LCORL: variants seen among roughly 807,000 people sequenced by gnomAD.
LCORL encodes the protein ligand-dependent nuclear receptor corepressor-like protein.
In LCORL, 41 loss-of-function variants were observed where a neutral mutation model predicts 141.8. The observed-to-expected ratio is 0.29, with a 90% CI of 0.23 to 0.38. The LOEUF is 0.38. Ranked by LOEUF, LCORL falls within the 10% of genes least tolerant of loss-of-function variation. LCORL has a pLI of 1.00. For synonymous variants in LCORL, 618 were observed against 694.1 expected, an observed-to-expected ratio of 0.89 and a Z score of 1.72; for missense variants, 1,759 against 2,035.0, an observed-to-expected ratio of 0.86 and a Z score of 2.61.
At chr4:18,012,679 G>GA (rs147233383) in intron 1 of LCORL, among the ~76,000 whole-genome samples, 6,023 of 149,756 alleles carry the variant, frequency 0.04, 193 homozygotes, top group African/African-American at 0.088. Flanking sequence ...TTTTGAAGGG[G>GA]AAAAAAAAAT....
intron 1 of LCORL, among the ~76,000 whole-genome samples, chr4:17,998,985 A>AAAAAATATATAT (rs1374815646): frequency 8.6e-5 from 5 of 57,892 alleles, no homozygotes; most frequent in South Asian, 7.5e-4. Context: ...AAAAAAAAAA[A>AAAAAATATATAT]ATATATATAT....
At chr4:17,882,552 T>C (rs1307031593) in intron 6 of LCORL, 5 of 984,606 alleles carry the variant, frequency 5.1e-6, no homozygotes, top group African/African-American at 1.7e-5. Context: ...TTTACATTAC[T>C]GAAAGTTCAA....
intron 4 of LCORL, among the ~76,000 whole-genome samples, chr4:17,919,356 T>C (rs1733946489): frequency 6.6e-6 from 1 of 152,154 alleles, no homozygotes; most frequent in Admixed American, 6.5e-5. Flanking sequence ...AAAAGCTCTT[T>C]AATAAAATGG....
intron 4 of LCORL, among the ~76,000 whole-genome samples, chr4:17,930,805 T>A (rs1462183711): frequency 6.6e-6 from 1 of 152,194 alleles, no homozygotes; most frequent in African/African-American, 2.4e-5. Context: ...ACACACACAG[T>A]GTGTGACTGT....
intron 5 of LCORL, among the ~76,000 whole-genome samples, chr4:17,898,632 A>C (rs1262307759): frequency 6.9e-6 from 1 of 145,722 alleles, no homozygotes. Context: ...GAAATTCACT[A>C]TCAAGAGATC....
chr4:17,936,614 CTGTT>C (rs1467784352), intron 4 of LCORL, among the ~76,000 whole-genome samples: 4 of 152,128 alleles, frequency 2.6e-5, no homozygotes, highest in African/African-American at 9.7e-5. Context: ...GAATCTGAAT[CTGTT>C]TGGTTCTTGA....
At chr4:17,965,263 C>T (rs1455081910) in intron 2 of LCORL, among the ~76,000 whole-genome samples, 1 of 151,950 alleles carries the variant, frequency 6.6e-6, no homozygotes, top group Non-Finnish European at 1.5e-5. Flanking sequence ...TTATTTTAAA[C>T]CAAACAAATG....
At chr4:17,936,229 CAGATA>C (rs1406183442) in intron 4 of LCORL, among the ~76,000 whole-genome samples, 1 of 151,842 alleles carries the variant, frequency 6.6e-6, no homozygotes, top group East Asian at 1.9e-4. Context: ...AGTCTTAGTG[CAGATA>C]ATTATATGAC....
intron 4 of LCORL, among the ~76,000 whole-genome samples, chr4:17,928,691 A>G (rs986084183): frequency 6.6e-6 from 1 of 152,220 alleles, no homozygotes; most frequent in Non-Finnish European, 1.5e-5. Context: ...CAAAACAAGG[A>G]TATATGCTCT....
chr4:17,975,928 T>C (rs1304094057), intron 1 of LCORL, among the ~76,000 whole-genome samples: 1 of 152,168 alleles, frequency 6.6e-6, no homozygotes, highest in African/African-American at 2.4e-5. Flanking sequence ...CATGATTTTC[T>C]GTCTTTTCTC....
intron 4 of LCORL, chr4:17,912,069 A>T: frequency 1.4e-6 from 1 of 708,944 alleles, no homozygotes; most frequent in Non-Finnish European, 2.6e-6. Flanking sequence ...CCCAGGTCAG[A>T]GACTGGAGCC....
intron 7 of LCORL, among the ~76,000 whole-genome samples, chr4:17,862,071 C>G (rs1040070254): frequency 3.3e-5 from 5 of 152,210 alleles, no homozygotes; most frequent in Non-Finnish European, 5.9e-5. Flanking sequence ...TTACCCAGTT[C>G]CAAGGTTGCT....
chr4:17,989,127 A>G, intron 1 of LCORL, among the ~76,000 whole-genome samples: 1 of 152,220 alleles, frequency 6.6e-6, no homozygotes, highest in Non-Finnish European at 1.5e-5. Context: ...TTCTATACAA[A>G]TACCTGTGGA....
intron 4 of LCORL, among the ~76,000 whole-genome samples, chr4:17,946,119 A>G (rs1300535375): frequency 1.3e-5 from 2 of 152,016 alleles, no homozygotes; most frequent in Admixed American, 1.3e-4. Flanking sequence ...TCTCATAACA[A>G]AACAAAACCA....
chr4:17,983,562 G>A (rs184795379), intron 1 of LCORL, among the ~76,000 whole-genome samples: 5 of 151,954 alleles, frequency 3.3e-5, no homozygotes, highest in African/African-American at 7.2e-5. Flanking sequence ...TTTGGCTCTC[G>A]GCTTGCTGTT....
intron 1 of LCORL, among the ~76,000 whole-genome samples, chr4:17,981,545 C>T (rs1577626993): frequency 6.6e-6 from 1 of 152,134 alleles, no homozygotes; most frequent in East Asian, 1.9e-4. Context: ...CTGCTTGAGT[C>T]TGGGAAACAT....
At chr4:17,904,764 C>T (rs964030210) in intron 5 of LCORL, among the ~76,000 whole-genome samples, 1 of 152,114 alleles carries the variant, frequency 6.6e-6, no homozygotes, top group African/African-American at 2.4e-5. Context: ...GCCAATAGCA[C>T]CCTGTTTTAA....
At chr4:18,013,474 T>C (rs1161609985) in intron 1 of LCORL, among the ~76,000 whole-genome samples, 1 of 152,194 alleles carries the variant, frequency 6.6e-6, no homozygotes, top group Non-Finnish European at 1.5e-5. Context: ...GCATCTTTCA[T>C]AGGAATAAAA....
At chr4:17,980,197 C>T (rs1289653025) in intron 1 of LCORL, among the ~76,000 whole-genome samples, 1 of 152,190 alleles carries the variant, frequency 6.6e-6, no homozygotes, top group Non-Finnish European at 1.5e-5. Flanking sequence ...GAAACTCATA[C>T]CTGCTTCAAA....
Sources: gnomAD v4.1 joint callset for allele counts (sites outside exome capture counted in the v4.1 genomes callset) on GRCh38, gnomAD v4.1.1 for gene constraint, MANE v1.5 for transcripts, NCBI Gene and HGNC (gene_info 2026-07-23, HGNC 2026-07-21) for gene names.